ERC2: variants seen among roughly 807,000 people sequenced by gnomAD.
ERC2 encodes ERC protein 2.
Under a neutral mutation model 114.8 loss-of-function variants are expected in ERC2, and 42 were observed. The ratio of observed to expected loss-of-function variants is 0.37; its 90% CI spans 0.29 to 0.47. The LOEUF is 0.47. ERC2 is among the 20% of genes least tolerant of loss of function. ERC2 has a pLI of 0.99. For synonymous variants in ERC2, 454 were observed against 425.5 expected, an observed-to-expected ratio of 1.07 and a Z score of -0.82; for missense variants, 939 against 1,150.7, an observed-to-expected ratio of 0.82 and a Z score of 2.66.
intron 17 of ERC2, among the ~76,000 whole-genome samples, chr3:55,621,482 G>C (rs2059326735): frequency 6.6e-6 from 1 of 152,116 alleles, no homozygotes; most frequent in Non-Finnish European, 1.5e-5. Context: ...ATCTACTACT[G>C]TTCCCCTCCT....
Position 55,653,492 on chromosome 3 carries a change from G to T in ERC2, c.*39+30302C>A, listed in dbSNP as rs572483469. On this transcript the variant is annotated intron_variant, in intron 17 of 17. Transcript: ENST00000288221. The stretch of plus-strand genomic sequence containing the variant: ...ACAGATTATACCGATGTGGAAAGAA[G>T]TCCACAATACACAAAGTGCAAAAGA... Among the ~76,000 whole-genome samples, 6 of 152,000 alleles carry T rather than the reference G, an allele frequency of 3.9e-5. No individual in the cohort carries two copies. In the East Asian group the frequency reaches 1.2e-3, roughly 30 times the overall value.
chr3:55,759,462 TAAAAAAAAAAAAAAAAAA>T (rs540204065), intron 14 of ERC2, among the ~76,000 whole-genome samples: 20 of 36,060 alleles, frequency 5.5e-4, no homozygotes, highest in Non-Finnish European at 7.3e-4. Flanking sequence ...TCTCTTTCAT[TAAAAAAAAAAAAAAAAAA>T]AAAAAAAAAA....
At chr3:55,667,569 T>C (rs2061402796) in intron 17 of ERC2, among the ~76,000 whole-genome samples, 1 of 152,236 alleles carries the variant, frequency 6.6e-6, no homozygotes, top group Non-Finnish European at 1.5e-5. Context: ...TGCCAGCTAG[T>C]GCAGCTGAGA....
At chr3:55,663,973 C>T (rs1055889878) in intron 17 of ERC2, among the ~76,000 whole-genome samples, 1 of 152,180 alleles carries the variant, frequency 6.6e-6, no homozygotes, top group African/African-American at 2.4e-5. Flanking sequence ...GTAAATTGTA[C>T]CAGATGCTCA....
intron 12 of ERC2, among the ~76,000 whole-genome samples, chr3:55,954,099 A>G (rs2067774118): frequency 6.6e-6 from 1 of 150,446 alleles, no homozygotes; most frequent in South Asian, 2.1e-4. Context: ...AAAAAAAAAA[A>G]AAAAAAAAAA....
At chr3:55,699,274 C>T (rs911424229) in intron 16 of ERC2, 104 bp downstream of exon 16, 27 of 1,411,816 alleles carry the variant, frequency 1.9e-5, no homozygotes, top group Non-Finnish European at 2.6e-5. Context: ...GTTCAAAGAA[C>T]GTATCACTTT....
rs372196192 is a variant in ERC2, at chr3:56,439,668, T to C, written c.-140-4521A>G. On this transcript the variant is annotated intron_variant, in intron 1 of 17. Coordinates refer to ENST00000288221, the MANE Select transcript of ERC2 (RefSeq NM_015576.3). Reference sequence around the variant, plus strand: ...TTTTAAATGATATAGCTTTTGGTTTTATTAATATATTTTACTGCATCTTAT... The same window carrying C: ...TTTTAAATGATATAGCTTTTGGTTTCATTAATATATTTTACTGCATCTTAT... Among the ~76,000 whole-genome samples, 19 of 152,342 alleles carry C rather than the reference T, an allele frequency of 1.2e-4. 1 individual carries two copies. In the South Asian group the frequency reaches 3.9e-3, roughly 32 times the overall value.
chr3:56,214,729 A>G (rs2049332047), intron 3 of ERC2, among the ~76,000 whole-genome samples: 1 of 152,166 alleles, frequency 6.6e-6, no homozygotes, highest in Non-Finnish European at 1.5e-5. Flanking sequence ...AAAAATGTTA[A>G]GGGCAGCCAG....
intron 2 of ERC2, among the ~76,000 whole-genome samples, chr3:56,305,613 A>G (rs970064838): frequency 3.9e-5 from 6 of 152,092 alleles, no homozygotes; most frequent in African/African-American, 1.4e-4. Flanking sequence ...ACTGACAAGG[A>G]TGTTGATCAA....
rs202213543 is a variant in ERC2 at position 55,777,084 on chromosome 3, A to AAT, written c.2565-42167_2565-42166insAT. Among the ~76,000 whole-genome samples the AAT allele has an allele frequency of 6.9e-3, 1,057 of 152,150 alleles. 13 individuals carry two copies. The highest frequency in any genetic ancestry group is 0.024 in the African/African-American group (976 of 41,496). On this transcript the variant is annotated intron_variant, in intron 14 of 17. Transcript: ENST00000288221. ...AGGCAGTTAAAAATACATAAAAAAA[A>AAT]AATAATAACAGCAATATCTGGCATC...
chr3:55,699,581 T>A (rs1474270345), intron 15 of ERC2, 69 bp from the exon 16 acceptor site: 7 of 1,524,144 alleles, frequency 4.6e-6, no homozygotes, highest in Non-Finnish European at 5.3e-6. Flanking sequence ...ATTCAGGGCA[T>A]AATTACAGTA....
chr3:55,689,442 T>C (rs2062516245), intron 16 of ERC2, among the ~76,000 whole-genome samples: 3 of 152,074 alleles, frequency 2.0e-5, no homozygotes, highest in Non-Finnish European at 4.4e-5. Flanking sequence ...ACAATATTGT[T>C]TGGGAGCTTA....
chr3:55,659,029 C>G (rs1401901100), intron 17 of ERC2: 1 of 152,622 alleles, frequency 6.6e-6, no homozygotes, highest in East Asian at 1.9e-4. Context: ...TCTTTCTTCT[C>G]AGAAAACAAG....
intron 8 of ERC2, among the ~76,000 whole-genome samples, chr3:56,013,189 T>C (rs747876700): frequency 1.1e-4 from 16 of 152,318 alleles, no homozygotes; most frequent in Middle Eastern, 3.4e-3. Context: ...AATAAGTTCC[T>C]GGAAAGTAAA....
chr3:56,243,358 C>T (rs1054583043), intron 3 of ERC2, among the ~76,000 whole-genome samples: 4 of 152,148 alleles, frequency 2.6e-5, no homozygotes, highest in African/African-American at 7.2e-5. Context: ...CAGAGTAAAT[C>T]GCATGACAGC....
At chr3:56,461,567 A>G (rs2063320523) in intron 1 of ERC2, among the ~76,000 whole-genome samples, 1 of 152,244 alleles carries the variant, frequency 6.6e-6, no homozygotes, top group African/African-American at 2.4e-5. Flanking sequence ...AAAAGTGGCT[A>G]TGGGGAACAT....
At chr3:55,688,496 A>G (rs1317981879) in intron 16 of ERC2, among the ~76,000 whole-genome samples, 1 of 152,200 alleles carries the variant, frequency 6.6e-6, no homozygotes, top group East Asian at 1.9e-4. Context: ...CACAAAAAGA[A>G]GAGTTCACTT....
At chr3:55,515,887 A>C (rs2052462675) in intron 17 of ERC2, among the ~76,000 whole-genome samples, 1 of 152,212 alleles carries the variant, frequency 6.6e-6, no homozygotes, top group Non-Finnish European at 1.5e-5. Context: ...ATTTGCAGAA[A>C]CAGGCTGGGA....
rs570997032 is a variant in ERC2, at chr3:55,535,471, G to T, written c.*40-24195C>A. Among the ~76,000 whole-genome samples the T allele has an allele frequency of 2.6e-5, 4 of 152,306 alleles. No individual in the cohort carries two copies. The South Asian group carries it at 6.2e-4, about 24-fold the overall frequency. On this transcript the variant is annotated intron_variant, in intron 17 of 17. Coordinates refer to ENST00000288221, the MANE Select transcript of ERC2 (RefSeq NM_015576.3). ...GTCTATTCTAAGCCACAATTGAGGG[G>T]TGTTGCCAGAGCAAAAGATTTATAC... is the stretch of plus-strand genomic sequence containing the variant.
Sources: gnomAD v4.1 joint callset for allele counts (sites outside exome capture counted in the v4.1 genomes callset) on GRCh38, gnomAD v4.1.1 for gene constraint, MANE v1.5 for transcripts, NCBI Gene and HGNC (gene_info 2026-07-23, HGNC 2026-07-21) for gene names.